The following FCGR2B variants were observed in gnomAD, a reference collection of about 807,000 sequenced individuals.
The protein encoded by FCGR2B is Fc gamma receptor IIb.
Under a neutral mutation model 24.8 loss-of-function variants are expected in FCGR2B, and 18 were observed. The ratio of observed to expected loss-of-function variants is 0.73; its 90% CI spans 0.50 to 1.08. The LOEUF (loss-of-function observed/expected upper bound fraction) is 1.08, where lower values mean the gene tolerates loss of function less well. FCGR2B is among the 50% of genes least tolerant of loss of function. The pLI is 0.00. For missense variants in FCGR2B, 215 were observed against 297.6 expected, an observed-to-expected ratio of 0.72 and a Z score of 2.04; for synonymous variants, 79 against 109.8, an observed-to-expected ratio of 0.72 and a Z score of 1.75.
In FCGR2B at chr1:161,677,751, G is replaced by A; in HGVS notation, c.*198G>A. ...ACAATATGGTCCCAAATAACCGACT[G>A]CACCTTCTGTGCTTCAGCTCTTCTT... On this transcript the variant is annotated 3_prime_UTR_variant, in exon 8 of 8. Transcript: ENST00000358671. 1 of 554,748 alleles carries A rather than the reference G, an allele frequency of 1.8e-6. No individual in the cohort carries two copies. Among genetic ancestry groups the A allele is most frequent in the Non-Finnish European group, 3.2e-6 (1 of 316,514 alleles). The allele number at this position is 554,748 out of a possible 1,614,324, so 34.4% of individuals were successfully genotyped here.
At chr1:161,648,567 T>C in the FCGR2B span, among the ~76,000 whole-genome samples, 1 of 151,134 alleles carries the variant, frequency 6.6e-6, no homozygotes, top group South Asian at 2.1e-4. Flanking sequence ...AATTAGCTTA[T>C]CTTCTCATTG....
chr1:161,669,672 A>C (rs1160291832), intron 1 of FCGR2B, among the ~76,000 whole-genome samples: 1 of 139,164 alleles, frequency 7.2e-6, no homozygotes, highest in Non-Finnish European at 1.6e-5. Context: ...TTGCTCAGTG[A>C]AGAATCAGGT....
chr1:161,673,480 G>A (rs199689498), intron 4 of FCGR2B: 12,295 of 722,376 alleles, frequency 0.017, 6 homozygotes, highest in Middle Eastern at 0.033. Context: ...GACTAAGGAC[G>A]GCAGCGAAGC....
chr1:161,660,935 G>A (rs1429157648), upstream of FCGR2B, among the ~76,000 whole-genome samples: 3 of 78,784 alleles, frequency 3.8e-5, no homozygotes, highest in East Asian at 3.3e-4. Context: ...TTAGCAGGGC[G>A]TGGTGGCAGA....
chr1:161,651,797 A>G, the FCGR2B span, among the ~76,000 whole-genome samples: 2 of 123,356 alleles, frequency 1.6e-5, no homozygotes, highest in African/African-American at 5.4e-5. Flanking sequence ...GCCAGTCGTG[A>G]TGGCGCATGC....
At chr1:161,650,205 T>C in the FCGR2B span, among the ~76,000 whole-genome samples, 1 of 147,516 alleles carries the variant, frequency 6.8e-6, no homozygotes, top group African/African-American at 2.5e-5. Context: ...TTTTGCCAAG[T>C]TGGCCAGGCT....
intron 4 of FCGR2B, 69 bp from the exon 5 acceptor site, chr1:161,673,891 A>C (rs1681909533): frequency 2.2e-6 from 1 of 447,786 alleles, no homozygotes; most frequent in South Asian, 2.2e-5. Flanking sequence ...AAGCACTAGG[A>C]CATAGCATTG....
the FCGR2B span, among the ~76,000 whole-genome samples, chr1:161,647,585 G>A: frequency 6.6e-6 from 1 of 150,688 alleles, no homozygotes; most frequent in Non-Finnish European, 1.5e-5. Context: ...CATTAGAGGT[G>A]TGAGCCACTG....
chr1:161,654,379 TG>T, the FCGR2B span, among the ~76,000 whole-genome samples: 1 of 136,634 alleles, frequency 7.3e-6, no homozygotes, highest in African/African-American at 2.5e-5. Flanking sequence ...TTGTTGTTGT[TG>T]TTGTTGTTTT....
At chr1:161,675,511 GA>G in intron 6 of FCGR2B, 198 bp downstream of exon 6, 1 of 471,296 alleles carries the variant, frequency 2.1e-6, no homozygotes. Flanking sequence ...CTGGAGATGA[GA>G]AGAGAAACAC....
chr1:161,675,496 C>T (rs1682044346), intron 6 of FCGR2B, 183 bp downstream of exon 6: 2 of 489,356 alleles, frequency 4.1e-6, no homozygotes, highest in Non-Finnish European at 7.4e-6. Flanking sequence ...CTAAAGACGA[C>T]CTCTCTGGAG....
chr1:161,675,212 G>A (rs1204197163), intron 5 of FCGR2B, 45 bp from the exon 6 acceptor site: 19 of 1,441,204 alleles, frequency 1.3e-5, no homozygotes, highest in Non-Finnish European at 1.7e-5. Context: ...TGAGGACTCA[G>A]GCCCCACCGC....
Position 161,675,066 on chromosome 1 carries a change from T to A in FCGR2B, c.761-191T>A. 3 of 541,840 alleles carry A rather than the reference T, an allele frequency of 5.5e-6. No homozygotes were observed. The South Asian group carries it at 8.1e-5, about 15-fold the overall frequency. The allele number at this position is 541,840 out of a possible 1,614,324, so 33.6% of individuals were successfully genotyped here. Reference sequence around the variant, plus strand: ...TGGGCATCCCCATGGGTGAGCTGAATTCTGCCTCTGGACCAGCCCTTTTCC... The same window carrying A: ...TGGGCATCCCCATGGGTGAGCTGAAATCTGCCTCTGGACCAGCCCTTTTCC... On this transcript the variant is annotated intron_variant, in intron 5 of 7. Coordinates refer to ENST00000358671, the MANE Select transcript of FCGR2B (RefSeq NM_001394477.1).
chr1:161,652,919 C>T, the FCGR2B span, among the ~76,000 whole-genome samples: 12 of 134,000 alleles, frequency 9.0e-5, 3 homozygotes, highest in East Asian at 2.0e-4. Context: ...CCGGTATTCC[C>T]GGATGGTATT....
At chr1:161,647,343 C>G in the FCGR2B span, among the ~76,000 whole-genome samples, 2 of 145,030 alleles carry the variant, frequency 1.4e-5, no homozygotes, top group African/African-American at 5.3e-5. Context: ...TCTTGTCACC[C>G]AGGCTGGAGT....
chr1:161,675,462 C>T lies in FCGR2B; in HGVS notation c.817+149C>T, dbSNP rs555169687. On this transcript the variant is annotated intron_variant, in intron 6 of 7. Coordinates refer to ENST00000358671, the MANE Select transcript of FCGR2B (RefSeq NM_001394477.1). The stretch of plus-strand genomic sequence containing the variant: ...ATGGCTGGGGCTCAAATCGCTTGGT[C>T]AGCTCTTAGTCTAACTCCTGGGCCT... The T allele has an allele frequency of 1.7e-4, 96 of 563,754 alleles. 1 individual carries two copies. The highest frequency in any genetic ancestry group is 8.1e-4 in the South Asian group (31 of 38,198). The allele number at this position is 563,754 out of a possible 1,614,324, so 34.9% of individuals were successfully genotyped here. A position where few individuals can be genotyped will look rare whatever the true frequency, so the allele number is the denominator to read the frequency against.
rs146674631 is a variant in FCGR2B, at chr1:161,675,248, C to T, written c.761-9C>T. ...CTAATCCTACTAACCTCCTGTGTGC[C>T]CCTCCCAGCTCTCCCAGGATACCCT... On this transcript the variant is annotated splice_polypyrimidine_tract_variant and intron_variant, in intron 5 of 7. Coordinates refer to ENST00000358671, the MANE Select transcript of FCGR2B (RefSeq NM_001394477.1). 35 of 1,603,964 alleles carry T rather than the reference C, an allele frequency of 2.2e-5. No individual in the cohort carries two copies. In the African/African-American group the frequency reaches 4.3e-4, roughly 20 times the overall value.
In FCGR2B at chr1:161,674,008, T is replaced by TTGCTGTAGCGGCCATTGTTGC. The variant is rs1681919813; in HGVS notation, c.704_724dup (p.Ala235_Val241dup). The TTGCTGTAGCGGCCATTGTTGC allele has an allele frequency of 1.9e-6, 1 of 517,716 alleles. No individual in the cohort carries two copies. Among genetic ancestry groups the TTGCTGTAGCGGCCATTGTTGC allele is most frequent in the Non-Finnish European group, 3.4e-6 (1 of 294,624 alleles). 32.1% of individuals were successfully genotyped at this position (517,716 alleles called of 1,614,324 possible). A position where few individuals can be genotyped will look rare whatever the true frequency, so the allele number is the denominator to read the frequency against. On this transcript the variant is annotated inframe_insertion, in exon 5 of 8. Transcript: ENST00000358671. Reference sequence around the variant, plus strand: ...ATCATTGTGGCTGTGGTCACTGGGATTGCTGTAGCGGCCATTGTTGCTGCT... The same window carrying TTGCTGTAGCGGCCATTGTTGC: ...ATCATTGTGGCTGTGGTCACTGGGATTGCTGTAGCGGCCATTGTTGCTGCTGTAGCGGCCATTGTTGCTGCT...
intron 5 of FCGR2B, chr1:161,674,477 A>G (rs1681950836): frequency 5.8e-6 from 2 of 345,932 alleles, no homozygotes; most frequent in Non-Finnish European, 1.1e-5. Flanking sequence ...AGAGCAGTGT[A>G]GTGTAGTGAT....
Sources: gnomAD v4.1 joint callset for allele counts (sites outside exome capture counted in the v4.1 genomes callset) on GRCh38, gnomAD v4.1.1 for gene constraint, MANE v1.5 for transcripts, NCBI Gene and HGNC (gene_info 2026-07-23, HGNC 2026-07-21) for gene names.